The following ZNG1A variants were observed in gnomAD, a reference collection of about 807,000 sequenced individuals.
ZNG1A encodes zinc-regulated GTPase metalloprotein activator 1A.
At chr9:141,565 C>T in the ZNG1A span, among the ~76,000 whole-genome samples, 3 of 151,040 alleles carry the variant, frequency 2.0e-5, no homozygotes, top group East Asian at 2.0e-4. Flanking sequence ...AAGGAACAAC[C>T]GGTACCAGCC....
At chr9:168,503 C>T in the ZNG1A span, among the ~76,000 whole-genome samples, 1 of 150,600 alleles carries the variant, frequency 6.6e-6, no homozygotes, top group Non-Finnish European at 1.5e-5. Context: ...CTGCCCACCT[C>T]GGCCTCCCAA....
At chr9:168,433 T>C in the ZNG1A span, among the ~76,000 whole-genome samples, 1 of 151,434 alleles carries the variant, frequency 6.6e-6, no homozygotes, top group Non-Finnish European at 1.5e-5. Flanking sequence ...TTGGTATTTT[T>C]AGCTGAGATG....
chr9:139,113 C>A, the ZNG1A span, among the ~76,000 whole-genome samples: 1 of 147,338 alleles, frequency 6.8e-6, no homozygotes, highest in South Asian at 2.2e-4. Flanking sequence ...GCTGTGAGAA[C>A]AAGTTAAATG....
the ZNG1A span, among the ~76,000 whole-genome samples, chr9:161,907 T>C: frequency 1.3e-5 from 2 of 151,524 alleles, no homozygotes; most frequent in Admixed American, 6.6e-5. Context: ...CAATATGTAC[T>C]TTTTAAATTT....
chr9:141,755 T>C, the ZNG1A span, among the ~76,000 whole-genome samples: 10 of 151,694 alleles, frequency 6.6e-5, no homozygotes, highest in African/African-American at 2.4e-4. Context: ...GCAAATTGGA[T>C]AAAGAGTCAA....
chr9:129,087 A>T, the ZNG1A span, among the ~76,000 whole-genome samples: 1 of 150,872 alleles, frequency 6.6e-6, no homozygotes. Flanking sequence ...AGGCGGTAGG[A>T]GGGTGAAATG....
the ZNG1A span, chr9:172,435 C>A: frequency 1.2e-4 from 43 of 347,888 alleles, 2 homozygotes; most frequent in Middle Eastern, 1.8e-3. Context: ...CTTTATCTGA[C>A]CAAGTATCTT....
At chr9:154,455 A>C in the ZNG1A span, 5 of 514,442 alleles carry the variant, frequency 9.7e-6, no homozygotes, top group Admixed American at 3.7e-5. Context: ...GAAGACAGGA[A>C]AAGAAAGATG....
the ZNG1A span, among the ~76,000 whole-genome samples, chr9:139,849 G>A: frequency 2.0e-5 from 3 of 151,574 alleles, no homozygotes; most frequent in Non-Finnish European, 1.5e-5. Flanking sequence ...GCCTCACTTG[G>A]GAAGCGCAGG....
chr9:172,872 A>G, the ZNG1A span: 1 of 275,744 alleles, frequency 3.6e-6, no homozygotes, highest in South Asian at 3.6e-5. Flanking sequence ...ACTGTCCTTG[A>G]AAACTTAACT....
the ZNG1A span, among the ~76,000 whole-genome samples, chr9:141,336 G>A: frequency 6.9e-5 from 10 of 144,606 alleles, no homozygotes; most frequent in South Asian, 2.4e-4. Context: ...GACTAACAGC[G>A]GATCTCTTGG....
chr9:162,485 C>T, the ZNG1A span: 4 of 1,550,936 alleles, frequency 2.6e-6, no homozygotes, highest in Non-Finnish European at 3.5e-6. Context: ...AAGGAAAAAA[C>T]ATTTTAATCA....
the ZNG1A span, among the ~76,000 whole-genome samples, chr9:124,966 C>A: frequency 2.0e-5 from 3 of 152,270 alleles, no homozygotes; most frequent in East Asian, 1.9e-4. Context: ...ATTGATGGGC[C>A]TTTGGGTTGG....
chr9:129,674 T>C, the ZNG1A span, among the ~76,000 whole-genome samples: 7 of 136,142 alleles, frequency 5.1e-5, no homozygotes, highest in South Asian at 2.6e-4. Flanking sequence ...GAGACGAAAA[T>C]TGGGGGGGGC....
the ZNG1A span, chr9:147,715 C>CCCCCT: frequency 1.5e-4 from 21 of 143,432 alleles, no homozygotes; most frequent in South Asian, 4.4e-4. Context: ...TTTTTCACCT[C>CCCCCT]CCCCTCCCCC....
chr9:138,378 T>C, the ZNG1A span, among the ~76,000 whole-genome samples: 3 of 124,718 alleles, frequency 2.4e-5, no homozygotes. Flanking sequence ...TCTCAATCAA[T>C]TTCTTTTTTC....
chr9:124,990 C>T, the ZNG1A span, among the ~76,000 whole-genome samples: 2 of 152,214 alleles, frequency 1.3e-5, no homozygotes, highest in Non-Finnish European at 2.9e-5. Flanking sequence ...CACGTTTTTG[C>T]AATTGCCAAT....
the ZNG1A span, among the ~76,000 whole-genome samples, chr9:175,047 A>G: frequency 6.6e-6 from 1 of 152,184 alleles, no homozygotes; most frequent in African/African-American, 2.4e-5. Context: ...ATGAGTTGCA[A>G]TAGAGTCCAT....
At chr9:129,669 G>GA in the ZNG1A span, among the ~76,000 whole-genome samples, 1 of 140,148 alleles carries the variant, frequency 7.1e-6, no homozygotes, top group African/African-American at 2.7e-5. Flanking sequence ...AGAGGGAGAC[G>GA]AAAATTGGGG....
Sources: allele counts gnomAD v4.1 joint callset (sites outside exome capture counted in the v4.1 genomes callset), GRCh38; gene constraint gnomAD v4.1.1; transcripts MANE v1.5; gene names NCBI Gene and HGNC (gene_info 2026-07-23, HGNC 2026-07-21).